LCP2: variants seen among roughly 807,000 people sequenced by gnomAD.
LCP2 encodes the protein 76 kDa tyrosine phosphoprotein.
A neutral mutation model predicts 74.5 loss-of-function variants in LCP2; 29 were observed. The ratio of observed to expected loss-of-function variants is 0.39; its 90% CI spans 0.29 to 0.53. The LOEUF (loss-of-function observed/expected upper bound fraction) is 0.53, where lower values mean the gene tolerates loss of function less well. Ranked by LOEUF, LCP2 falls within the 20% of genes least tolerant of loss-of-function variation. The pLI, the probability that LCP2 is intolerant of heterozygous loss-of-function variation, is 0.72. For missense variants in LCP2, 604 were observed against 634.6 expected (o/e 0.95, Z 0.52); for synonymous variants, 228 against 229.5 (o/e 0.99, Z 0.06).
At chr5:170,263,102 G>A (rs1761691204) in intron 10 of LCP2, 110 bp from the exon 11 acceptor site, 2 of 1,275,284 alleles carry the variant, frequency 1.6e-6, no homozygotes, top group Non-Finnish European at 2.2e-6. Context: ...GGGGTTGATG[G>A]GGTTTAAGCA....
intron 2 of LCP2, among the ~76,000 whole-genome samples, chr5:170,289,599 CT>C (rs200593430): frequency 1.4e-5 from 2 of 146,024 alleles, no homozygotes; most frequent in Admixed American, 6.6e-5. Context: ...CCTTTTCTTT[CT>C]TTCTTTCTTT....
intron 8 of LCP2, 72 bp from the exon 9 acceptor site, chr5:170,267,147 T>G: frequency 6.9e-7 from 1 of 1,442,772 alleles, no homozygotes; most frequent in Non-Finnish European, 9.7e-7. Flanking sequence ...AAAACCTGTC[T>G]GGATCTGCTC....
At chr5:170,248,913 C>T (rs1761361405) in intron 20 of LCP2, 94 bp from the exon 21 acceptor site, 7 of 1,236,842 alleles carry the variant, frequency 5.7e-6, no homozygotes, top group South Asian at 5.1e-5. Flanking sequence ...TATGCTGCCT[C>T]TTCAAGTGAT....
chr5:170,259,177 C>G (rs888714406), intron 14 of LCP2, among the ~76,000 whole-genome samples: 1 of 152,110 alleles, frequency 6.6e-6, no homozygotes, highest in Non-Finnish European at 1.5e-5. Context: ...TTGACAATAT[C>G]TACAATGTGT....
chr5:170,295,421 A>C (rs1762357273), intron 1 of LCP2, among the ~76,000 whole-genome samples: 2 of 152,212 alleles, frequency 1.3e-5, no homozygotes, highest in Admixed American at 6.5e-5. Context: ...TTTAATCCTC[A>C]CAACCAACCC....
chr5:170,279,928 A>G (rs1174457283), intron 3 of LCP2, among the ~76,000 whole-genome samples: 3 of 152,024 alleles, frequency 2.0e-5, no homozygotes, highest in Non-Finnish European at 4.4e-5. Flanking sequence ...GAAACTATAC[A>G]AGAAAAGAAG....
chr5:170,288,203 G>A (rs1762219558), intron 2 of LCP2, among the ~76,000 whole-genome samples, 187 bp from the exon 3 acceptor site: 2 of 139,714 alleles, frequency 1.4e-5, no homozygotes, highest in Non-Finnish European at 1.5e-5. Context: ...AAAGCCTGTG[G>A]GCCTGCTGTT....
intron 3 of LCP2, among the ~76,000 whole-genome samples, chr5:170,277,766 A>G (rs1465642403): frequency 1.3e-5 from 2 of 149,156 alleles, no homozygotes; most frequent in Admixed American, 1.4e-4. Flanking sequence ...AAAAAAAAGA[A>G]AGAAATGGTA....
chr5:170,262,776 A>G (rs767383607), intron 12 of LCP2, 34 bp from the exon 13 acceptor site: 1 of 1,613,290 alleles, frequency 6.2e-7, no homozygotes, highest in South Asian at 1.1e-5. Flanking sequence ...TGTAAGAAAC[A>G]AACTTTGCCG....
intron 3 of LCP2, among the ~76,000 whole-genome samples, chr5:170,283,298 TCA>T (rs1331494619): frequency 1.3e-5 from 2 of 152,200 alleles, no homozygotes; most frequent in Non-Finnish European, 2.9e-5. Context: ...ATTCTCCCGT[TCA>T]CACTAACCAG....
chr5:170,279,116 C>T (rs1224219811), intron 3 of LCP2, among the ~76,000 whole-genome samples: 1 of 152,128 alleles, frequency 6.6e-6, no homozygotes, highest in African/African-American at 2.4e-5. Context: ...CGCTCAGGAC[C>T]AGAGCAAGAA....
intron 3 of LCP2, among the ~76,000 whole-genome samples, chr5:170,282,392 G>C (rs1581072548): frequency 1.3e-5 from 2 of 152,176 alleles, no homozygotes; most frequent in East Asian, 3.8e-4. Context: ...ATTTCTGTGT[G>C]CTGCCTCCTT....
intron 3 of LCP2, among the ~76,000 whole-genome samples, chr5:170,276,943 G>A (rs910566763): frequency 1.3e-5 from 2 of 151,906 alleles, no homozygotes; most frequent in South Asian, 2.1e-4. Context: ...GGGCATGGTG[G>A]CACGTGCCTG....
At chr5:170,281,482 G>T (rs562773708) in intron 3 of LCP2, among the ~76,000 whole-genome samples, 17 of 152,134 alleles carry the variant, frequency 1.1e-4, no homozygotes, top group East Asian at 9.6e-4. Context: ...GCGTTTCACT[G>T]TGTTAGCCAG....
intron 6 of LCP2, 133 bp downstream of exon 6, chr5:170,274,167 CT>C (rs1761944973): frequency 1.1e-6 from 1 of 927,780 alleles, no homozygotes. Flanking sequence ...TGCAGAGCAC[CT>C]TTTCTGGGCC....
chr5:170,269,016 G>C (rs1761840394), intron 7 of LCP2, among the ~76,000 whole-genome samples: 1 of 121,712 alleles, frequency 8.2e-6, no homozygotes. Flanking sequence ...CACTGCCATA[G>C]GGATCTTGTT....
chr5:170,295,162 A>G (rs1047518504), intron 1 of LCP2, among the ~76,000 whole-genome samples: 1 of 152,210 alleles, frequency 6.6e-6, no homozygotes, highest in Admixed American at 6.5e-5. Flanking sequence ...TGCACGACCC[A>G]AGGATGTTCT....
chr5:170,267,065 G>T lies in LCP2; in HGVS notation c.632C>A (p.Pro211Gln), dbSNP rs775647689. The T allele has an allele frequency of 3.1e-6, 5 of 1,613,864 alleles. No individual in the cohort carries two copies. The highest frequency in any genetic ancestry group is 4.2e-6 in the Non-Finnish European group (5 of 1,179,868). Residue 211 changes from proline to glutamine, a missense_variant, in exon 9 of 21, where the codon CCA becomes CAA. By Grantham distance (76) the Pro-to-Gln change is moderately conservative. Transcript: ENST00000046794. ...PAGRNHSPLPPPQTNHEEPSR... is the reference protein window; with the variant it reads ...PAGRNHSPLPQPQTNHEEPSR... Reference sequence around the variant, plus strand: ...GGGTTCTTCGTGGTTGGTCTGGGGTGGGGGCAGTGGCTGCATAAAGATCCA... The same window carrying T: ...GGGTTCTTCGTGGTTGGTCTGGGGTTGGGGCAGTGGCTGCATAAAGATCCA...
At chr5:170,281,550 G>A (rs1762106110) in intron 3 of LCP2, among the ~76,000 whole-genome samples, 1 of 152,242 alleles carries the variant, frequency 6.6e-6, no homozygotes, top group Non-Finnish European at 1.5e-5. Flanking sequence ...AAAGTGCTGG[G>A]ATTACAGGCA....
Sources: allele counts gnomAD v4.1 joint callset (sites outside exome capture counted in the v4.1 genomes callset), GRCh38; gene constraint gnomAD v4.1.1; transcripts MANE v1.5; gene names NCBI Gene and HGNC (gene_info 2026-07-23, HGNC 2026-07-21).